NIBAN1: variants seen among roughly 807,000 people sequenced by gnomAD.
The protein encoded by NIBAN1 is protein Niban 1.
In NIBAN1, 81 loss-of-function variants were observed where a neutral mutation model predicts 75.1. That is an observed-to-expected ratio of 1.08 (90% CI 0.90 to 1.30). The LOEUF is 1.30. Ranked by LOEUF, NIBAN1 falls within the 50% of genes most tolerant of loss-of-function variation. NIBAN1 has a pLI of 0.00. For synonymous variants in NIBAN1, 436 were observed against 424.8 expected (o/e 1.03, Z -0.32); for missense variants, 1,133 against 1,128.1 (o/e 1.00, Z -0.06).
intron 1 of NIBAN1, among the ~76,000 whole-genome samples, chr1:184,952,449 T>C (rs7512071): frequency 0.49 from 74,030 of 152,024 alleles, 19,422 homozygotes; most frequent in Non-Finnish European, 0.59. Flanking sequence ...ACGTTTGAGG[T>C]TTTAAGGGCT....
chr1:184,903,175 C>T (rs975983955), intron 1 of NIBAN1, among the ~76,000 whole-genome samples: 1 of 152,154 alleles, frequency 6.6e-6, no homozygotes, highest in Non-Finnish European at 1.5e-5. Flanking sequence ...GGAGATTACT[C>T]AATAATGGAA....
At chr1:184,919,684 G>T (rs1267637782) in intron 1 of NIBAN1, among the ~76,000 whole-genome samples, 1 of 152,024 alleles carries the variant, frequency 6.6e-6, no homozygotes, top group Admixed American at 6.6e-5. Context: ...CTTTGGACTT[G>T]TCTCTATTAG....
chr1:184,875,719 C>T (rs73050650), intron 5 of NIBAN1, among the ~76,000 whole-genome samples: 13,474 of 152,138 alleles, frequency 0.089, 1,814 homozygotes, highest in African/African-American at 0.29. Flanking sequence ...GCTTTAAAAT[C>T]ATCACAATGA....
rs181978123 is a variant in NIBAN1 at position 184,914,640 on chromosome 1, T to A, written c.56-15331A>T. ...GATGCTATGGGATACATATGGGTAG[T>A]AACATGGTTACTGTAGTGAAGAAGA... is the stretch of plus-strand genomic sequence containing the variant. On this transcript the variant is annotated intron_variant, in intron 1 of 13. Transcript: ENST00000367511. 2.0e-4 allele frequency among the ~76,000 whole-genome samples: 30 copies of A among 152,318 alleles called. No individual in the cohort carries two copies. In the East Asian group the frequency reaches 5.2e-3, roughly 26 times the overall value.
At chr1:184,953,757 G>C (rs1250830143) in intron 1 of NIBAN1, among the ~76,000 whole-genome samples, 2 of 152,204 alleles carry the variant, frequency 1.3e-5, no homozygotes, top group Non-Finnish European at 2.9e-5. Context: ...ATACCGAAGG[G>C]AGGAAATGCT....
At chr1:184,901,113 G>T (rs1435090306) in intron 1 of NIBAN1, among the ~76,000 whole-genome samples, 1 of 152,078 alleles carries the variant, frequency 6.6e-6, no homozygotes, top group Non-Finnish European at 1.5e-5. Flanking sequence ...CATAATGTAT[G>T]AATACTCTCC....
At chr1:184,970,849 T>C (rs1658916852) in intron 1 of NIBAN1, among the ~76,000 whole-genome samples, 1 of 152,214 alleles carries the variant, frequency 6.6e-6, no homozygotes, top group African/African-American at 2.4e-5. Context: ...GCTTTCTTTT[T>C]GATTCGTTAA....
At chr1:184,949,439 T>C (rs1407344262) in intron 1 of NIBAN1, among the ~76,000 whole-genome samples, 1 of 152,262 alleles carries the variant, frequency 6.6e-6, no homozygotes, top group African/African-American at 2.4e-5. Context: ...CCACCACTTA[T>C]TGAGCCCTTA....
intron 1 of NIBAN1, among the ~76,000 whole-genome samples, chr1:184,919,673 A>G (rs1176709373): frequency 6.6e-6 from 1 of 152,048 alleles, no homozygotes; most frequent in Admixed American, 6.6e-5. Flanking sequence ...TTTCCGTGGT[A>G]CTTTGGACTT....
At chr1:184,833,935 T>C (rs953876565) in intron 5 of NIBAN1, among the ~76,000 whole-genome samples, 10 of 151,970 alleles carry the variant, frequency 6.6e-5, no homozygotes, top group Admixed American at 6.6e-4. Context: ...GGTATACATG[T>C]GCCATGCAGG....
chr1:184,862,921 G>T (rs1352515556), intron 5 of NIBAN1, among the ~76,000 whole-genome samples: 1 of 151,596 alleles, frequency 6.6e-6, no homozygotes, highest in Non-Finnish European at 1.5e-5. Context: ...GGTGTTTGTT[G>T]TACAGATTAT....
Position 184,811,567 on chromosome 1 carries a change from G to A in NIBAN1, c.1174-3332C>T, listed in dbSNP as rs142057075. The stretch of plus-strand genomic sequence containing the variant: ...TGTCTCCCAACTAGAGTGCAGGCGC[G>A]ATCTTGGCTCACTGAAAGTTCCACC... On this transcript the variant is annotated intron_variant, in intron 9 of 13. Transcript: ENST00000367511. 5.9e-5 allele frequency among the ~76,000 whole-genome samples: 8 copies of A among 136,744 alleles called. No homozygotes were observed. In the East Asian group the frequency reaches 1.7e-3, roughly 29 times the overall value. The allele number at this position is 136,744 out of a possible 152,430, so 89.7% of individuals were successfully genotyped here.
chr1:184,971,540 C>T (rs541599891), intron 1 of NIBAN1, among the ~76,000 whole-genome samples: 3 of 152,044 alleles, frequency 2.0e-5, no homozygotes, highest in South Asian at 2.1e-4. Flanking sequence ...CATGGTGGTG[C>T]GTGGCTGTAA....
At chr1:184,865,466 G>A (rs959350336) in intron 5 of NIBAN1, among the ~76,000 whole-genome samples, 6 of 152,000 alleles carry the variant, frequency 3.9e-5, no homozygotes, top group African/African-American at 1.5e-4. Flanking sequence ...TGGGGGAAGG[G>A]TACAGAGTTG....
chr1:184,812,530 G>A (rs186509002), intron 9 of NIBAN1, among the ~76,000 whole-genome samples: 22 of 152,132 alleles, frequency 1.4e-4, no homozygotes, highest in African/African-American at 4.1e-4. Context: ...AAAAACAGTC[G>A]AATGAATGGT....
intron 5 of NIBAN1, among the ~76,000 whole-genome samples, chr1:184,877,308 T>A (rs1436832253): frequency 6.6e-6 from 1 of 151,660 alleles, no homozygotes; most frequent in African/African-American, 2.4e-5. Context: ...GCATATGTGA[T>A]AAAGCTGTAA....
At chr1:184,805,871 T>C in intron 11 of NIBAN1, 75 bp downstream of exon 11, 1 of 1,160,750 alleles carries the variant, frequency 8.6e-7, no homozygotes, top group Non-Finnish European at 1.3e-6. Context: ...GAGAACTTGG[T>C]ATTTTCCACT....
chr1:184,831,878 G>T lies in NIBAN1; in HGVS notation c.686C>A (p.Ser229Tyr). 2 of 1,614,036 alleles carry T rather than the reference G, an allele frequency of 1.2e-6. No homozygotes were observed. The highest frequency in any genetic ancestry group is 1.7e-4 in the Middle Eastern group (1 of 6,060). ...TTCATCCCCAGTGATCATTTCCCAG[G>T]AACCATAGTGACCCTTCTCCTGTCG... ...FFRQEKGHYG[S>Y]WEMITGDEIQ... Residue 229 changes from serine (S) to tyrosine (Y), a missense_variant, in exon 6 of 14, where the codon TCC becomes TAC. Physicochemically the swap from Ser to Tyr is moderately radical, Grantham distance 144 (BLOSUM62 -2). Coordinates refer to ENST00000367511, the MANE Select transcript of NIBAN1 (RefSeq NM_052966.4).
chr1:184,905,895 C>A (rs1417088626), intron 1 of NIBAN1, among the ~76,000 whole-genome samples: 1 of 152,048 alleles, frequency 6.6e-6, no homozygotes, highest in African/African-American at 2.4e-5. Flanking sequence ...GCCAATGCCC[C>A]AGGAAAGGAG....
Sources: gnomAD v4.1 joint callset for allele counts (sites outside exome capture counted in the v4.1 genomes callset) on GRCh38, gnomAD v4.1.1 for gene constraint, MANE v1.5 for transcripts, NCBI Gene and HGNC (gene_info 2026-07-23, HGNC 2026-07-21) for gene names.